Variants in NFIX observed in about 807,000 individuals in gnomAD.
NFIX encodes nuclear factor I X, also known as nuclear factor 1 X-type.
A neutral mutation model predicts 53.3 loss-of-function variants in NFIX; 2 were observed. The ratio of observed to expected loss-of-function variants is 0.04; its 90% CI spans 0.02 to 0.12. The LOEUF (loss-of-function observed/expected upper bound fraction) is 0.12, where lower values mean the gene tolerates loss of function less well. Among genes scored for constraint, NFIX ranks in the 10% least tolerant of loss-of-function variants. The pLI is 1.00. For synonymous variants in NFIX, 244 were observed against 289.0 expected, an observed-to-expected ratio of 0.84 and a Z score of 1.58; for missense variants, 310 against 674.5, an observed-to-expected ratio of 0.46 and a Z score of 5.99.
At chr19:13,016,518 C>A (rs1270240652) in intron 1 of NFIX, among the ~76,000 whole-genome samples, 1 of 151,932 alleles carries the variant, frequency 6.6e-6, no homozygotes, top group Non-Finnish European at 1.5e-5. Context: ...CTGCCCCTGC[C>A]CCCCGCCCCC....
In NFIX at chr19:13,009,414, T is replaced by C. The variant is rs1486861164; in HGVS notation, c.27+13550T>C. On this transcript the variant is annotated intron_variant, in intron 1 of 10. Coordinates refer to ENST00000592199, the MANE Select transcript of NFIX (RefSeq NM_001365902.3). This position sits in a 1 kb window ranked among gnomAD's most constrained non-coding sequence, Gnocchi z 4.7. ...AGATGAGGAAACAGAGGCCGCAAGG[T>C]CAAGTGCCAAGGTCATGGGGCTAGA... 1.3e-5 allele frequency among the ~76,000 whole-genome samples: 2 copies of C among 152,070 alleles called. No individual in the cohort carries two copies. Among genetic ancestry groups the C allele is most frequent in the Non-Finnish European group, 2.9e-5 (2 of 67,998 alleles).
chr19:13,078,846 C>T lies in NFIX; in HGVS notation c.1078+111C>T. On this transcript the variant is annotated intron_variant, in intron 7 of 10. Coordinates refer to ENST00000592199, the MANE Select transcript of NFIX (RefSeq NM_001365902.3). The surrounding 1 kb of genome is among the most constrained non-coding windows in gnomAD (Gnocchi z 4.7). ...TGACCCCGAGTGACAGCCCCACGCT[C>T]TCCAAGTGGGCCAAGGTGCAGCAGC... 7.8e-7 allele frequency: 1 copy of T among 1,287,488 alleles called. No homozygotes were observed. The highest frequency in any genetic ancestry group is 1.0e-6 in the Non-Finnish European group (1 of 955,694). 79.8% of individuals were successfully genotyped at this position (1,287,488 alleles called of 1,614,324 possible).
At chr19:13,024,600 G>A (rs1305092866) in intron 1 of NFIX, 2 of 1,536,266 alleles carry the variant, frequency 1.3e-6, no homozygotes, top group Non-Finnish European at 1.7e-6. Flanking sequence ...CTGTGCCGGG[G>A]CGAGCTGACA....
chr19:13,023,030 T>C lies in NFIX; in HGVS notation c.28-1991T>C, dbSNP rs372248021. ...CTTGGACGCAGCCATTGGCTGCTCGTGGATGTCTCTTTGCCAAATAGGTGG... is the reference window on the plus strand; with the variant it reads ...CTTGGACGCAGCCATTGGCTGCTCGCGGATGTCTCTTTGCCAAATAGGTGG... On this transcript the variant is annotated intron_variant, in intron 1 of 10. Transcript: ENST00000592199. Among the ~76,000 whole-genome samples, 1,132 of 150,790 alleles carry C rather than the reference T, an allele frequency of 7.5e-3. 5 individuals are homozygous for C. The highest frequency in any genetic ancestry group is 0.011 in the Non-Finnish European group (749 of 67,912).
chr19:13,094,097 G>A lies in NFIX; in HGVS notation c.1495-538G>A, dbSNP rs1041408002. Among the ~76,000 whole-genome samples, 11 of 152,196 alleles carry A rather than the reference G, an allele frequency of 7.2e-5. No individual in the cohort carries two copies. Among genetic ancestry groups the A allele is most frequent in the Admixed American group, 3.3e-4 (5 of 15,288 alleles). On this transcript the variant is annotated intron_variant, in intron 10 of 10. Coordinates refer to ENST00000592199, the MANE Select transcript of NFIX (RefSeq NM_001365902.3). The surrounding 1 kb of genome is among the most constrained non-coding windows in gnomAD (Gnocchi z 4.3). ...CTCCCCCAGGCCTGGCGCTACTAGG[G>A]ACTGAAGCTGTGTGGTTCCCCTGCC... is the stretch of plus-strand genomic sequence containing the variant.
At chr19:13,047,949 C>A (rs563356032) in intron 2 of NFIX, among the ~76,000 whole-genome samples, 1 of 152,338 alleles carries the variant, frequency 6.6e-6, no homozygotes, top group East Asian at 1.9e-4. Context: ...TCCCTGGGAT[C>A]TGCCCATGCT....
chr19:13,075,620 C>A lies in NFIX; in HGVS notation c.904C>A (p.Pro302Thr). 1 of 1,613,624 alleles carries A rather than the reference C, an allele frequency of 6.2e-7. No homozygotes were observed. The highest frequency in any genetic ancestry group is 8.5e-7 in the Non-Finnish European group (1 of 1,179,766). ...GTTCTATCCCGGGACAGGCCGTTCCCCAGCAGCTGGCAGCAGCCAGTCCAG... is the reference window on the plus strand; with the variant it reads ...GTTCTATCCCGGGACAGGCCGTTCCACAGCAGCTGGCAGCAGCCAGTCCAG... The part of the protein sequence containing the change: ...DVFYPGTGRS[P>T]AAGSSQSSGW... The change falls in exon 6 of 11, where the codon CCA becomes ACA. Residue 302 changes from proline (P) to threonine (T), a missense_variant. Physicochemically the swap from Pro to Thr is conservative, Grantham distance 38. This residue lies in a region of NFIX where 164 missense variants were observed against 284.4 expected (regional missense o/e 0.58). Coordinates refer to ENST00000592199, the MANE Select transcript of NFIX (RefSeq NM_001365902.3).
chr19:13,064,730 A>T (rs1007769192), intron 2 of NFIX, among the ~76,000 whole-genome samples: 2 of 152,200 alleles, frequency 1.3e-5, no homozygotes, highest in East Asian at 3.9e-4. Flanking sequence ...GCTCCTGGGG[A>T]GGGGAGCTGA....
chr19:13,007,840 G>A (rs958182335), intron 1 of NFIX, among the ~76,000 whole-genome samples: 2 of 152,186 alleles, frequency 1.3e-5, no homozygotes. Context: ...TCGCTGCCGA[G>A]GCTGCAAGTA....
At chr19:13,082,879 C>T (rs1003284631) in intron 8 of NFIX, among the ~76,000 whole-genome samples, 1 of 152,260 alleles carries the variant, frequency 6.6e-6, no homozygotes, top group African/African-American at 2.4e-5. Context: ...GAAGCCCACA[C>T]CAGAGGCTGC....
rs2016591075 is a variant in NFIX at position 13,068,845 on chromosome 19, G to A, written c.560-4202G>A. On this transcript the variant is annotated intron_variant, in intron 2 of 10. Transcript: ENST00000592199. The surrounding 1 kb of genome is among the most constrained non-coding windows in gnomAD (Gnocchi z 4.2). ...TAGCCCAGGTCCCCAGAGAAGGACA[G>A]CCCGCAGAGCTGCGTGTTTGTGTGA... 6.6e-6 allele frequency among the ~76,000 whole-genome samples: 1 copy of A among 152,236 alleles called. No individual in the cohort carries two copies. Among genetic ancestry groups the A allele is most frequent in the African/African-American group, 2.4e-5 (1 of 41,462 alleles).
At position 12,995,724 on chromosome 19, in the gene NFIX, A is replaced by C. The variant is rs1434900038; in HGVS notation, c.-114A>C. 3 of 206,966 alleles carry C rather than the reference A, an allele frequency of 1.4e-5. No homozygotes were observed. Among genetic ancestry groups the C allele is most frequent in the Non-Finnish European group, 2.4e-5 (3 of 124,466 alleles). 12.8% of individuals were successfully genotyped at this position (206,966 alleles called of 1,614,324 possible). On this transcript the variant is annotated 5_prime_UTR_variant, in exon 1 of 11. Coordinates refer to ENST00000592199, the MANE Select transcript of NFIX (RefSeq NM_001365902.3). ...GCGGGGCCGCGGGCCGGGCGGGCGC[A>C]GCGCGGCGGAGGCCGGAGGAGCCGA...
chr19:13,082,539 T>A (rs1035856619), intron 8 of NFIX: 1 of 152,226 alleles, frequency 6.6e-6, no homozygotes. Context: ...CGGTCCTGGT[T>A]CTAGAGTGAA....
At position 13,036,393 on chromosome 19, in the gene NFIX, G is replaced by A. The variant is rs2014190482; in HGVS notation, c.559+10841G>A. Among the ~76,000 whole-genome samples, 1 of 152,174 alleles carries A rather than the reference G, an allele frequency of 6.6e-6. No individual in the cohort carries two copies. The highest frequency in any genetic ancestry group is 6.5e-5 in the Admixed American group (1 of 15,276). On this transcript the variant is annotated intron_variant, in intron 2 of 10. Coordinates refer to ENST00000592199, the MANE Select transcript of NFIX (RefSeq NM_001365902.3). This position sits in a 1 kb window ranked among gnomAD's most constrained non-coding sequence, Gnocchi z 4.7. ...AAGAAGAGCGTCCTCTCCAGGCCAGGGGTGGGGCTGTGGAAATGAGAAACC... is the reference window on the plus strand; with the variant it reads ...AAGAAGAGCGTCCTCTCCAGGCCAGAGGTGGGGCTGTGGAAATGAGAAACC...
In NFIX at chr19:13,066,733, G is replaced by T. The variant is rs1260036616; in HGVS notation, c.560-6314G>T. On this transcript the variant is annotated intron_variant, in intron 2 of 10. Transcript: ENST00000592199. The surrounding 1 kb of genome is among the most constrained non-coding windows in gnomAD (Gnocchi z 4.2). ...CAGGATGACTCCAGGATGTGTGTGT[G>T]CATGTGTGTGTGTGTTTGTGCACAT... Among the ~76,000 whole-genome samples, 2 of 152,150 alleles carry T rather than the reference G, an allele frequency of 1.3e-5. No individual in the cohort carries two copies. The highest frequency in any genetic ancestry group is 4.8e-5 in the African/African-American group (2 of 41,420).
chr19:13,097,307 A>G lies in NFIX; in HGVS notation c.*2658A>G, dbSNP rs527951822. The G allele has an allele frequency of 2.6e-5, 4 of 151,820 alleles. No homozygotes were observed. The highest frequency in any genetic ancestry group is 9.7e-5 in the African/African-American group (4 of 41,262). The allele number at this position is 151,820 out of a possible 1,614,324, so 9.4% of individuals were successfully genotyped here. A position where few individuals can be genotyped will look rare whatever the true frequency, so the allele number is the denominator to read the frequency against. On this transcript the variant is annotated 3_prime_UTR_variant, in exon 11 of 11. Transcript: ENST00000592199. Reference sequence around the variant, plus strand: ...AGGAAACGTTCACATTTTAGAGTTTAAAAAAAACACCTCGACATTTAAAAA... The same window carrying G: ...AGGAAACGTTCACATTTTAGAGTTTGAAAAAAACACCTCGACATTTAAAAA...
rs1052397412 is a variant in NFIX at position 13,009,633 on chromosome 19, C to CGCTTAAGG, written c.27+13771_27+13778dup. Reference sequence around the variant, plus strand: ...AGGAGGAAGAGGCTTCCTGATTCCCCGCTTAAGGGTGTTCAAACTGTCTGC... The same window carrying CGCTTAAGG: ...AGGAGGAAGAGGCTTCCTGATTCCCCGCTTAAGGGCTTAAGGGTGTTCAAACTGTCTGC... On this transcript the variant is annotated intron_variant, in intron 1 of 10. Transcript: ENST00000592199. The surrounding 1 kb of genome is among the most constrained non-coding windows in gnomAD (Gnocchi z 4.7). Among the ~76,000 whole-genome samples, 10 of 152,210 alleles carry CGCTTAAGG rather than the reference C, an allele frequency of 6.6e-5. No homozygotes were observed. The highest frequency in any genetic ancestry group is 2.2e-4 in the African/African-American group (9 of 41,442).
At chr19:13,063,429 G>C (rs1035979885) in intron 2 of NFIX, among the ~76,000 whole-genome samples, 1 of 151,970 alleles carries the variant, frequency 6.6e-6, no homozygotes, top group Non-Finnish European at 1.5e-5. Flanking sequence ...CAGCCCAGCA[G>C]TTGTGCACAC....
chr19:13,061,730 A>G (rs934492829), intron 2 of NFIX, among the ~76,000 whole-genome samples: 2 of 152,228 alleles, frequency 1.3e-5, no homozygotes, highest in African/African-American at 4.8e-5. Context: ...TTGTTCCTTC[A>G]GCAGCCTTTG....
Sources: gnomAD v4.1 joint callset for allele counts (sites outside exome capture counted in the v4.1 genomes callset) on GRCh38, gnomAD v4.1.1 for gene constraint, gnomAD v4.1.1 regional missense constraint, Gnocchi (gnomAD v3.1) non-coding constraint, MANE v1.5 for transcripts, NCBI Gene and HGNC (gene_info 2026-07-23, HGNC 2026-07-21) for gene names.